SLC13A1: variants seen among roughly 807,000 people sequenced by gnomAD.
SLC13A1 encodes the protein solute carrier family 13 member 1.
A neutral mutation model predicts 70.0 loss-of-function variants in SLC13A1; 65 were observed. The ratio of observed to expected loss-of-function variants is 0.93; its 90% CI spans 0.76 to 1.14. The LOEUF (loss-of-function observed/expected upper bound fraction) is 1.14. Among genes scored for constraint, SLC13A1 ranks in the 50% most tolerant of loss-of-function variants. SLC13A1 has a pLI of 0.00. For missense variants in SLC13A1, 726 were observed against 717.8 expected, an observed-to-expected ratio of 1.01 and a Z score of -0.13; for synonymous variants, 275 against 250.5, an observed-to-expected ratio of 1.10 and a Z score of -0.92.
chr7:123,127,246 G>A (rs2116300792), intron 10 of SLC13A1, among the ~76,000 whole-genome samples: 1 of 152,100 alleles, frequency 6.6e-6, no homozygotes, highest in Middle Eastern at 3.4e-3. Context: ...TTTTCTCTCA[G>A]AATTGTAGGT....
intron 2 of SLC13A1, among the ~76,000 whole-genome samples, chr7:123,178,253 G>A (rs904040902): frequency 6.6e-6 from 1 of 151,960 alleles, no homozygotes; most frequent in Admixed American, 6.6e-5. Flanking sequence ...CAAAATACCA[G>A]TATTTAGGAT....
chr7:123,161,493 T>C (rs908249625), intron 6 of SLC13A1, among the ~76,000 whole-genome samples: 2 of 152,134 alleles, frequency 1.3e-5, no homozygotes, highest in African/African-American at 2.4e-5. Flanking sequence ...TCCAGGAAAG[T>C]AATAGAATAA....
chr7:123,195,508 T>C (rs1796149290), intron 1 of SLC13A1, among the ~76,000 whole-genome samples: 1 of 151,984 alleles, frequency 6.6e-6, no homozygotes, highest in Non-Finnish European at 1.5e-5. Flanking sequence ...CTTCTCGACC[T>C]ACCACTTCCT....
chr7:123,139,282 T>C (rs1391918295), intron 7 of SLC13A1, among the ~76,000 whole-genome samples: 1 of 152,096 alleles, frequency 6.6e-6, no homozygotes, highest in African/African-American at 2.4e-5. Context: ...ATGTGTCTGT[T>C]TATATACCAG....
rs1793153455 is a variant in SLC13A1, at chr7:123,115,602, G to T, written c.1704C>A (p.Gly568=). 1 of 1,613,736 alleles carries T rather than the reference G, an allele frequency of 6.2e-7. No individual in the cohort carries two copies. Among genetic ancestry groups the T allele is most frequent in the Admixed American group, 1.7e-5 (1 of 59,996 alleles). ...ACATGGGTACAATCCAAGTACATAT[G>T]CCAAGCATAACCACAGCAACACCAA... The part of the protein sequence containing the change: ...NIVGVAVVML[G]ICTWIVPMFD... The change falls in exon 15 of 15, where the codon GGC becomes GGA. Residue 568 remains glycine (G), a synonymous_variant. Coordinates refer to ENST00000194130, the MANE Select transcript of SLC13A1 (RefSeq NM_022444.4).
intron 1 of SLC13A1, among the ~76,000 whole-genome samples, chr7:123,199,286 A>C (rs552652549): frequency 3.3e-5 from 5 of 152,258 alleles, no homozygotes; most frequent in African/African-American, 1.2e-4. Context: ...TGGAATTATC[A>C]GAACATGGTA....
At chr7:123,195,226 A>AT (rs778814029) in intron 1 of SLC13A1, among the ~76,000 whole-genome samples, 1 of 151,864 alleles carries the variant, frequency 6.6e-6, no homozygotes, top group South Asian at 2.1e-4. Flanking sequence ...CATTATTTCT[A>AT]TTTTTTTCCT....
At chr7:123,134,073 G>T (rs996703098) in intron 8 of SLC13A1, among the ~76,000 whole-genome samples, 1 of 151,880 alleles carries the variant, frequency 6.6e-6, no homozygotes, top group African/African-American at 2.4e-5. Flanking sequence ...TTTTGGTAGA[G>T]ACAGAGTTTT....
At chr7:123,126,115 C>T (rs776901110) in intron 10 of SLC13A1, among the ~76,000 whole-genome samples, 3 of 152,104 alleles carry the variant, frequency 2.0e-5, no homozygotes, top group Non-Finnish European at 2.9e-5. Flanking sequence ...TGTGGCAAGG[C>T]GTGATATTTC....
intron 7 of SLC13A1, among the ~76,000 whole-genome samples, chr7:123,140,966 G>T (rs1009123094): frequency 2.0e-5 from 3 of 151,566 alleles, no homozygotes; most frequent in African/African-American, 7.3e-5. Context: ...GGTTTGGTTT[G>T]CTCTTGCTTT....
chr7:123,145,134 C>A (rs914079855), intron 7 of SLC13A1, among the ~76,000 whole-genome samples: 3 of 152,148 alleles, frequency 2.0e-5, no homozygotes, highest in Admixed American at 6.5e-5. Context: ...GTGGCAATAA[C>A]AACAGCTAAC....
intron 2 of SLC13A1, among the ~76,000 whole-genome samples, chr7:123,178,009 C>CTCTT (rs980571155): frequency 3.2e-4 from 39 of 121,240 alleles, no homozygotes; most frequent in Admixed American, 2.8e-3. Flanking sequence ...ACACCTATAT[C>CTCTT]TCTCTCTTTC....
rs565186334 is a variant in SLC13A1, at chr7:123,177,170, G to T, written c.228+3803C>A. On this transcript the variant is annotated intron_variant, in intron 2 of 14. Coordinates refer to ENST00000194130, the MANE Select transcript of SLC13A1 (RefSeq NM_022444.4). Reference sequence around the variant, plus strand: ...CATCTTCCTCCCATTTCAATTGATAGCAACTCCATTTTCCCAATTGGCAGA... The same window carrying T: ...CATCTTCCTCCCATTTCAATTGATATCAACTCCATTTTCCCAATTGGCAGA... Among the ~76,000 whole-genome samples the T allele has an allele frequency of 2.7e-4, 41 of 152,156 alleles. 1 individual carries two copies. In the South Asian group the frequency reaches 8.1e-3, roughly 30 times the overall value.
intron 1 of SLC13A1, among the ~76,000 whole-genome samples, chr7:123,190,921 T>G (rs560562487): frequency 2.6e-5 from 4 of 152,350 alleles, no homozygotes; most frequent in Admixed American, 2.6e-4. Flanking sequence ...AAAAATAATT[T>G]GTTTCTCTTT....
At chr7:123,149,731 A>C in intron 6 of SLC13A1, 2 of 416,900 alleles carry the variant, frequency 4.8e-6, no homozygotes, top group East Asian at 7.1e-5. Flanking sequence ...TGGCACAGTT[A>C]TCACAGTTTC....
intron 6 of SLC13A1, among the ~76,000 whole-genome samples, chr7:123,167,214 A>T (rs1238334469): frequency 6.6e-6 from 1 of 152,220 alleles, no homozygotes; most frequent in Admixed American, 6.5e-5. Flanking sequence ...AAAGGATTAT[A>T]AATCAGGCAC....
chr7:123,190,928 CT>C (rs986983061), intron 1 of SLC13A1, among the ~76,000 whole-genome samples: 2 of 151,924 alleles, frequency 1.3e-5, no homozygotes, highest in African/African-American at 4.8e-5. Flanking sequence ...ATTTGTTTCT[CT>C]TTTTTTGTTT....
At chr7:123,123,347 T>A in intron 11 of SLC13A1, 112 bp from the exon 12 acceptor site, 1 of 661,598 alleles carries the variant, frequency 1.5e-6, no homozygotes, top group South Asian at 1.8e-5. Context: ...TCCTATATTG[T>A]TTTTAAAGAG....
intron 1 of SLC13A1, among the ~76,000 whole-genome samples, chr7:123,183,800 T>C (rs1402958270): frequency 6.6e-6 from 1 of 152,140 alleles, no homozygotes; most frequent in Admixed American, 6.6e-5. Flanking sequence ...TTAAATCTGG[T>C]TCCATACACT....
Sources: allele counts gnomAD v4.1 joint callset (sites outside exome capture counted in the v4.1 genomes callset), GRCh38; gene constraint gnomAD v4.1.1; transcripts MANE v1.5; gene names NCBI Gene and HGNC (gene_info 2026-07-23, HGNC 2026-07-21).